NCOA2: variants seen among roughly 807,000 people sequenced by gnomAD.
NCOA2 encodes the protein class E basic helix-loop-helix protein 75.
Under a neutral mutation model 145.1 loss-of-function variants are expected in NCOA2, and 21 were observed. The observed-to-expected ratio is 0.14, with a 90% confidence interval of 0.10 to 0.21. The LOEUF (loss-of-function observed/expected upper bound fraction) is 0.21, where lower values mean the gene tolerates loss of function less well. Among genes scored for constraint, NCOA2 ranks in the 10% least tolerant of loss-of-function variants. The pLI is 1.00. For missense variants in NCOA2, 1,472 were observed against 1,837.6 expected, an observed-to-expected ratio of 0.80 and a Z score of 3.64; for synonymous variants, 619 against 637.5, an observed-to-expected ratio of 0.97 and a Z score of 0.44.
chr8:70,321,631 C>T (rs1806074333), intron 1 of NCOA2, among the ~76,000 whole-genome samples: 1 of 152,026 alleles, frequency 6.6e-6, no homozygotes, highest in South Asian at 2.1e-4. Context: ...AGTAGACTTA[C>T]TAAGACACCC....
the NCOA2 span, among the ~76,000 whole-genome samples, chr8:70,422,496 T>C: frequency 9.6e-4 from 146 of 152,142 alleles, 1 homozygote; most frequent in East Asian, 0.016. Context: ...CTGCAACCTC[T>C]GCTTCCCAGG....
Position 70,223,269 on chromosome 8 carries a change from C to G in NCOA2, c.-19-6505G>C, listed in dbSNP as rs191569446. On this transcript the variant is annotated intron_variant, in intron 2 of 22. Transcript: ENST00000452400. ...TAAAATTCAATTATCTTTCTTCATT[C>G]TGAAACCCATTTTAAATTTTGTTAT... Among the ~76,000 whole-genome samples the G allele has an allele frequency of 5.8e-4, 88 of 152,320 alleles. 2 individuals carry two copies. The East Asian group carries it at 0.011, about 19-fold the overall frequency.
At chr8:70,446,143 G>C in the NCOA2 span, among the ~76,000 whole-genome samples, 1 of 151,868 alleles carries the variant, frequency 6.6e-6, no homozygotes, top group Non-Finnish European at 1.5e-5. Flanking sequence ...AAGCTCTTCA[G>C]AGCAAGCTGT....
Position 70,110,654 on chromosome 8 carries a change from A to C in NCOA2, c.*2978T>G, listed in dbSNP as rs1195010438. ...CCATTTCATGTGTTAAGCCCATATG[A>C]ACTCCATTTTTGAACACAGATTAAA... On this transcript the variant is annotated 3_prime_UTR_variant, in exon 23 of 23. Transcript: ENST00000452400. The C allele has an allele frequency of 4.7e-6, 1 of 213,068 alleles. No individual in the cohort carries two copies. Among genetic ancestry groups the C allele is most frequent in the Non-Finnish European group, 9.5e-6 (1 of 105,322 alleles). 13.2% of individuals were successfully genotyped at this position (213,068 alleles called of 1,614,324 possible).
chr8:70,165,624 A>AC (rs1813521180), intron 7 of NCOA2, among the ~76,000 whole-genome samples: 2 of 152,184 alleles, frequency 1.3e-5, no homozygotes, highest in African/African-American at 4.8e-5. Flanking sequence ...AGTGAATGCT[A>AC]CATCAGCACA....
chr8:70,159,040 C>A (rs1812589512), intron 10 of NCOA2, among the ~76,000 whole-genome samples: 1 of 151,296 alleles, frequency 6.6e-6, no homozygotes, highest in Admixed American at 6.6e-5. Flanking sequence ...TTCTAGCCTC[C>A]ACCCTGCCCC....
chr8:70,386,689 C>T (rs1586658753), intron 1 of NCOA2, among the ~76,000 whole-genome samples: 1 of 152,042 alleles, frequency 6.6e-6, no homozygotes, highest in Non-Finnish European at 1.5e-5. Flanking sequence ...TTAGTGATAA[C>T]CAGAGAATCC....
intron 1 of NCOA2, among the ~76,000 whole-genome samples, chr8:70,385,872 A>G (rs1480738443): frequency 6.6e-6 from 1 of 152,170 alleles, no homozygotes; most frequent in East Asian, 1.9e-4. Context: ...TTTTACTTTC[A>G]TTTTATCCTT....
chr8:70,395,893 G>A (rs757295373), intron 1 of NCOA2, among the ~76,000 whole-genome samples: 5 of 152,258 alleles, frequency 3.3e-5, no homozygotes, highest in South Asian at 2.1e-4. Flanking sequence ...TTATATTCTC[G>A]TCGATGACAA....
At chr8:70,304,863 T>C (rs2135904260) in intron 1 of NCOA2, among the ~76,000 whole-genome samples, 1 of 150,674 alleles carries the variant, frequency 6.6e-6, no homozygotes, top group East Asian at 2.0e-4. Context: ...TAGCTTTTTT[T>C]TTTTTTTTTT....
intron 1 of NCOA2, among the ~76,000 whole-genome samples, chr8:70,323,282 G>T (rs1029423244): frequency 6.6e-6 from 1 of 152,184 alleles, no homozygotes; most frequent in Non-Finnish European, 1.5e-5. Flanking sequence ...AAGTTTAAAA[G>T]AAAATGTAGT....
In NCOA2 at chr8:70,111,859, TA is replaced by T; in HGVS notation, c.*1772del. 4.5e-6 allele frequency: 1 copy of T among 221,382 alleles called. No individual in the cohort carries two copies. Among genetic ancestry groups the T allele is most frequent in the Non-Finnish European group, 9.0e-6 (1 of 110,630 alleles). The allele number at this position is 221,382 out of a possible 1,614,324, so 13.7% of individuals were successfully genotyped here. The stretch of plus-strand genomic sequence containing the variant: ...AAAAAGCCTGGCTAATGAGATATTA[TA>T]AAATGCTTTGCTTTTTAGACATCAA... On this transcript the variant is annotated 3_prime_UTR_variant, in exon 23 of 23. Coordinates refer to ENST00000452400, the MANE Select transcript of NCOA2 (RefSeq NM_006540.4).
At chr8:70,268,981 T>G (rs1462358639) in intron 2 of NCOA2, among the ~76,000 whole-genome samples, 1 of 152,118 alleles carries the variant, frequency 6.6e-6, no homozygotes, top group Non-Finnish European at 1.5e-5. Context: ...CTCAAATTTA[T>G]TATTTTAATA....
At chr8:70,429,259 A>G in the NCOA2 span, among the ~76,000 whole-genome samples, 2 of 152,190 alleles carry the variant, frequency 1.3e-5, no homozygotes, top group East Asian at 1.9e-4. Flanking sequence ...GTGAGCACCA[A>G]CCTTCAAGAT....
the NCOA2 span, among the ~76,000 whole-genome samples, chr8:70,451,400 CAA>C: frequency 0.018 from 1,234 of 67,452 alleles, 25 homozygotes; most frequent in African/African-American, 0.066. Context: ...AGAGTGAGAC[CAA>C]AAAAAAAAAA....
At chr8:70,334,750 A>G (rs887136097) in intron 1 of NCOA2, among the ~76,000 whole-genome samples, 21 of 152,166 alleles carry the variant, frequency 1.4e-4, no homozygotes, top group Non-Finnish European at 5.9e-5. Context: ...AAATGACCAA[A>G]CTTCAATTAT....
intron 4 of NCOA2, among the ~76,000 whole-genome samples, chr8:70,184,438 A>T (rs1815825294): frequency 6.6e-6 from 1 of 152,180 alleles, no homozygotes. Flanking sequence ...AGGATAAAAG[A>T]GCACTTCATC....
the NCOA2 span, among the ~76,000 whole-genome samples, chr8:70,440,060 G>A: frequency 6.6e-6 from 1 of 152,154 alleles, no homozygotes. Flanking sequence ...ATCTCACTTG[G>A]AAGCTTGTTA....
chr8:70,326,443 ACACACACG>A (rs1806569994), intron 1 of NCOA2, among the ~76,000 whole-genome samples: 1 of 149,026 alleles, frequency 6.7e-6, no homozygotes, highest in Admixed American at 6.7e-5. Flanking sequence ...ACACACACAC[ACACACACG>A]TGCACACACA....
Sources: allele counts gnomAD v4.1 joint callset (sites outside exome capture counted in the v4.1 genomes callset), GRCh38; gene constraint gnomAD v4.1.1; transcripts MANE v1.5; gene names NCBI Gene and HGNC (gene_info 2026-07-23, HGNC 2026-07-21).